The following ZNF487 variants were observed in gnomAD, a reference collection of about 807,000 sequenced individuals.
ZNF487 encodes the protein zinc finger protein 487, also known as KRAB domain only 1.
A neutral mutation model predicts 3.0 loss-of-function variants in ZNF487; 4 were observed. That is an observed-to-expected ratio of 1.35 (90% CI 0.66 to 3.08). ZNF487 has a LOEUF of 3.08. Among genes scored for constraint, ZNF487 ranks in the 30% most tolerant of loss-of-function variants. The probability of loss-of-function intolerance (pLI) is 0.01; values close to 1 mark genes in which losing one functional copy is unlikely to be tolerated. For synonymous variants in ZNF487, 55 were observed against 34.6 expected, an observed-to-expected ratio of 1.59 and a Z score of -2.06; for missense variants, 146 against 98.7, an observed-to-expected ratio of 1.48 and a Z score of -2.03.
intron 1 of ZNF487, among the ~76,000 whole-genome samples, chr10:43,460,024 G>C (rs528092945): frequency 7.9e-5 from 12 of 151,856 alleles, no homozygotes; most frequent in African/African-American, 2.7e-4. Context: ...GGATGGTCTC[G>C]ATCTCCTGAC....
At chr10:43,470,982 C>A (rs1840886448) in intron 1 of ZNF487, among the ~76,000 whole-genome samples, 1 of 152,102 alleles carries the variant, frequency 6.6e-6, no homozygotes, top group Admixed American at 6.6e-5. Context: ...CATGCACCAC[C>A]ACACTAATTT....
At chr10:43,493,232 A>AAAAC in the ZNF487 span, among the ~76,000 whole-genome samples, 3 of 152,146 alleles carry the variant, frequency 2.0e-5, no homozygotes, top group Non-Finnish European at 4.4e-5. Flanking sequence ...CTCCTTCTCA[A>AAAAC]AAACAAACAA....
the ZNF487 span, among the ~76,000 whole-genome samples, chr10:43,510,353 A>C: frequency 2.0e-5 from 3 of 152,098 alleles, no homozygotes; most frequent in Non-Finnish European, 4.4e-5. Flanking sequence ...GGTCTGGGTC[A>C]TTTGTAGTCC....
chr10:43,518,942 C>G, the ZNF487 span, among the ~76,000 whole-genome samples: 1 of 152,182 alleles, frequency 6.6e-6, no homozygotes, highest in East Asian at 1.9e-4. Flanking sequence ...TTTCTCAATA[C>G]AGCAAAAGCT....
At chr10:43,471,252 G>C (rs113904279) in intron 1 of ZNF487, among the ~76,000 whole-genome samples, 60 of 152,212 alleles carry the variant, frequency 3.9e-4, no homozygotes, top group Middle Eastern at 6.8e-3. Flanking sequence ...TGGCTGCTCC[G>C]GGCACTGGCA....
the ZNF487 span, among the ~76,000 whole-genome samples, chr10:43,518,227 C>T: frequency 4.9e-4 from 74 of 152,270 alleles, no homozygotes; most frequent in Non-Finnish European, 8.5e-4. Context: ...CAAGGCACTT[C>T]GCAGAATACA....
At chr10:43,479,586 A>G (rs1032786375) in intron 3 of ZNF487, among the ~76,000 whole-genome samples, 1 of 152,206 alleles carries the variant, frequency 6.6e-6, no homozygotes, top group African/African-American at 2.4e-5. Context: ...TGACAAAAAT[A>G]TAAAAGAAGC....
the ZNF487 span, among the ~76,000 whole-genome samples, chr10:43,490,495 C>G: frequency 8.3e-6 from 1 of 120,726 alleles, no homozygotes; most frequent in Non-Finnish European, 1.7e-5. Context: ...CCTGAAGTAG[C>G]TCTACTTTTT....
intron 1 of ZNF487, among the ~76,000 whole-genome samples, chr10:43,462,422 G>T (rs1840464886): frequency 6.9e-6 from 1 of 145,280 alleles, no homozygotes; most frequent in African/African-American, 2.5e-5. Context: ...TTAAAAGTTT[G>T]TGGAAACCCG....
the ZNF487 span, among the ~76,000 whole-genome samples, chr10:43,494,039 A>AG: frequency 3.3e-5 from 5 of 151,532 alleles, no homozygotes; most frequent in South Asian, 2.1e-4. Flanking sequence ...TCTAAAAAAA[A>AG]AAAAAAAAAA....
the ZNF487 span, among the ~76,000 whole-genome samples, chr10:43,520,695 G>C: frequency 5.9e-5 from 9 of 152,324 alleles, no homozygotes; most frequent in African/African-American, 1.9e-4. Context: ...GATTTATGAA[G>C]ATTTTTTGGG....
rs537608753 is a variant in ZNF487 at position 43,437,126 on chromosome 10, A to G, written c.-230A>G. On this transcript the variant is annotated 5_prime_UTR_variant, in exon 1 of 4. Coordinates refer to ENST00000437590, the MANE Select transcript of ZNF487 (RefSeq NM_001355444.3). Reference sequence around the variant, plus strand: ...GGCCCCGCCCAGGGAGCGCTGCGGCAGTTTCCATGGTGAGATGGTCAACAA... The same window carrying G: ...GGCCCCGCCCAGGGAGCGCTGCGGCGGTTTCCATGGTGAGATGGTCAACAA... 1.3e-5 allele frequency: 4 copies of G among 302,442 alleles called. No homozygotes were observed. Among genetic ancestry groups the G allele is most frequent in the African/African-American group, 9.4e-5 (4 of 42,394 alleles). 18.7% of individuals were successfully genotyped at this position (302,442 alleles called of 1,614,324 possible).
chr10:43,483,333 T>C (rs934933943), downstream of ZNF487, among the ~76,000 whole-genome samples: 1 of 151,308 alleles, frequency 6.6e-6, no homozygotes, highest in Non-Finnish European at 1.5e-5. Flanking sequence ...CTCTGTCTCC[T>C]GGATTCAAGC....
rs1839419962 is a variant in ZNF487 at position 43,437,229 on chromosome 10, G to GT, written c.-126dup. On this transcript the variant is annotated 5_prime_UTR_variant, in exon 1 of 4. The change creates a premature stop within an existing upstream ORF in the 5' untranslated region. Coordinates refer to ENST00000437590, the MANE Select transcript of ZNF487 (RefSeq NM_001355444.3). The stretch of plus-strand genomic sequence containing the variant: ...CCGAGAGACCGCCGAGGTGCGGGCT[G>GT]TGAGAGGGGGAGCGTGGAGCCTCCG... The GT allele has an allele frequency of 4.2e-6, 1 of 240,330 alleles. No individual in the cohort carries two copies. The highest frequency in any genetic ancestry group is 2.4e-5 in the African/African-American group (1 of 41,806). 14.9% of individuals were successfully genotyped at this position (240,330 alleles called of 1,614,324 possible). A position where few individuals can be genotyped will look rare whatever the true frequency, so the allele number is the denominator to read the frequency against.
intron 1 of ZNF487, among the ~76,000 whole-genome samples, chr10:43,465,511 G>T (rs1840657863): frequency 6.6e-6 from 1 of 151,932 alleles, no homozygotes; most frequent in East Asian, 1.9e-4. Context: ...TCCCAGACGG[G>T]GTCGTGGCCG....
intron 1 of ZNF487, among the ~76,000 whole-genome samples, chr10:43,464,992 C>CG (rs1840615057): frequency 6.8e-6 from 1 of 147,028 alleles, no homozygotes; most frequent in Non-Finnish European, 1.5e-5. Context: ...GCTGGCTGGG[C>CG]GGGGGCTGAC....
chr10:43,456,084 C>T (rs1840189057), intron 1 of ZNF487, among the ~76,000 whole-genome samples: 1 of 152,284 alleles, frequency 6.6e-6, no homozygotes, highest in East Asian at 1.9e-4. Context: ...GTTCGTGGGC[C>T]CGCACTTCAT....
At chr10:43,447,279 G>C (rs1315776703) in intron 1 of ZNF487, among the ~76,000 whole-genome samples, 1 of 122,334 alleles carries the variant, frequency 8.2e-6, no homozygotes, top group Non-Finnish European at 1.7e-5. Flanking sequence ...GTCTCGCTCT[G>C]TTGCCCAGGC....
chr10:43,438,322 G>T (rs1270240439), intron 1 of ZNF487, among the ~76,000 whole-genome samples: 1 of 152,022 alleles, frequency 6.6e-6, no homozygotes, highest in Non-Finnish European at 1.5e-5. Flanking sequence ...AGTGACGAGG[G>T]TTACAGGCAC....
Sources: allele counts gnomAD v4.1 joint callset (sites outside exome capture counted in the v4.1 genomes callset), GRCh38; gene constraint gnomAD v4.1.1; transcripts MANE v1.5; gene names NCBI Gene and HGNC (gene_info 2026-07-23, HGNC 2026-07-21).